STK25: variants seen among roughly 807,000 people sequenced by gnomAD.
STK25 encodes serine/threonine kinase 25.
In STK25, 29 loss-of-function variants were observed where a neutral mutation model predicts 53.8. That is an observed-to-expected ratio of 0.54 (90% CI 0.40 to 0.74). The LOEUF (loss-of-function observed/expected upper bound fraction) is 0.74, where lower values mean the gene tolerates loss of function less well. Ranked by LOEUF, STK25 falls within the 30% of genes least tolerant of loss-of-function variation. STK25 has a pLI of 0.00. For missense variants in STK25, 420 were observed against 568.0 expected, an observed-to-expected ratio of 0.74 and a Z score of 2.65; for synonymous variants, 247 against 238.3, an observed-to-expected ratio of 1.04 and a Z score of -0.33.
chr2:241,506,696 G>A (rs2065852117), intron 2 of STK25, among the ~76,000 whole-genome samples: 2 of 152,324 alleles, frequency 1.3e-5, no homozygotes, highest in South Asian at 4.1e-4. Context: ...GTACTTGGGA[G>A]GCAGAGGGTG....
Position 241,493,749 on chromosome 2 carries a change from A to ACGC in STK25, c.*1910_*1912dup, listed in dbSNP as rs756033633. 13 of 474,216 alleles carry ACGC rather than the reference A, an allele frequency of 2.7e-5. No homozygotes were observed. The East Asian group carries it at 3.9e-4, about 14-fold the overall frequency. 29.4% of individuals were successfully genotyped at this position (474,216 alleles called of 1,614,324 possible). ...AACTGAGATTACAGGCATGCACGCC[A>ACGC]CGCCGCCTGGCTAATTTTTGTATTT... On this transcript the variant is annotated 3_prime_UTR_variant, in exon 12 of 12. Transcript: ENST00000316586.
chr2:241,498,430 A>G, intron 8 of STK25, 81 bp from the exon 9 acceptor site: 1 of 1,378,484 alleles, frequency 7.3e-7, no homozygotes, highest in South Asian at 1.4e-5. Flanking sequence ...CTCACGGCCA[A>G]GGGAAACCCG....
Position 241,493,018 on chromosome 2 carries a change from C to G in STK25, c.*2644G>C, listed in dbSNP as rs749207353. On this transcript the variant is annotated 3_prime_UTR_variant, in exon 12 of 12. Coordinates refer to ENST00000316586, the MANE Select transcript of STK25 (RefSeq NM_001271977.2). ...TCGTCTTTACCAACTTCTGTTTGTT[C>G]TTCTACAAAACTCATCAGGTACTGG... The G allele has an allele frequency of 6.2e-7, 1 of 1,600,862 alleles. No homozygotes were observed. Among genetic ancestry groups the G allele is most frequent in the South Asian group, 1.1e-5 (1 of 90,824 alleles).
chr2:241,505,464 A>G (rs1177990720), intron 2 of STK25, among the ~76,000 whole-genome samples: 2 of 152,230 alleles, frequency 1.3e-5, no homozygotes, highest in Non-Finnish European at 2.9e-5. Context: ...AAGCAGGGCC[A>G]TGACCTGGCA....
chr2:241,500,719 C>T lies in STK25; in HGVS notation c.318+21G>A, dbSNP rs775058247. On this transcript the variant is annotated intron_variant, in intron 4 of 11. Coordinates refer to ENST00000316586, the MANE Select transcript of STK25 (RefSeq NM_001271977.2). ...GACTCGGACACTGCATGACCCCCCA[C>T]TGCCATGGCCTATGCCTCACCAAGT... 7 of 1,613,128 alleles carry T rather than the reference C, an allele frequency of 4.3e-6. No homozygotes were observed. In the South Asian group the frequency reaches 7.7e-5, roughly 18 times the overall value.
At chr2:241,504,815 G>A (rs1279554428) in intron 2 of STK25, among the ~76,000 whole-genome samples, 4 of 152,070 alleles carry the variant, frequency 2.6e-5, no homozygotes, top group Non-Finnish European at 5.9e-5. Flanking sequence ...CATCATCTCC[G>A]TTTCCTCCTC....
At position 241,496,690 on chromosome 2, in the gene STK25, C is replaced by A; in HGVS notation, c.1105-156G>T. Reference sequence around the variant, plus strand: ...CAGCAAGCCGGGAAGTGAGGTGGCCCAAGGAAGCCTCTGCCCCTGCCCTGC... The same window carrying A: ...CAGCAAGCCGGGAAGTGAGGTGGCCAAAGGAAGCCTCTGCCCCTGCCCTGC... On this transcript the variant is annotated intron_variant, in intron 10 of 11. Transcript: ENST00000316586. The surrounding 1 kb of genome is among the most constrained non-coding windows in gnomAD (Gnocchi z 5.8). The A allele has an allele frequency of 2.5e-6, 2 of 784,974 alleles. No individual in the cohort carries two copies. Among genetic ancestry groups the A allele is most frequent in the Non-Finnish European group, 3.9e-6 (2 of 508,308 alleles). The allele number at this position is 784,974 out of a possible 1,614,324, so 48.6% of individuals were successfully genotyped here. A position where few individuals can be genotyped will look rare whatever the true frequency, so the allele number is the denominator to read the frequency against.
chr2:241,508,203 G>C, intron 1 of STK25, 68 bp from the exon 2 acceptor site: 1 of 1,336,370 alleles, frequency 7.5e-7, no homozygotes, highest in Non-Finnish European at 9.5e-7. Flanking sequence ...GGGGCGGCGG[G>C]CTCCATGGGT....
At chr2:241,497,501 G>A in intron 10 of STK25, 115 bp downstream of exon 10, 1 of 1,059,722 alleles carries the variant, frequency 9.4e-7, no homozygotes. Flanking sequence ...ATCAGCTGCA[G>A]GAAAGCTAGA....
Position 241,501,133 on chromosome 2 carries a change from G to T in STK25, c.262-337C>A, listed in dbSNP as rs1025560486. 3.1e-5 allele frequency: 17 copies of T among 546,708 alleles called. No individual in the cohort carries two copies. Among genetic ancestry groups the T allele is most frequent in the Middle Eastern group, 4.9e-4 (1 of 2,044 alleles). The allele number at this position is 546,708 out of a possible 1,614,324, so 33.9% of individuals were successfully genotyped here. A position where few individuals can be genotyped will look rare whatever the true frequency, so the allele number is the denominator to read the frequency against. ...GACCCGACACACCCATCACCCTCCT[G>T]GGCAGGATGGCCACAGCGTTCCCTA... On this transcript the variant is annotated intron_variant, in intron 3 of 11. Transcript: ENST00000316586. This position sits in a 1 kb window ranked among gnomAD's most constrained non-coding sequence, Gnocchi z 5.3.
rs1026850959 is a variant in STK25, at chr2:241,494,814, T to A, written c.*848A>T. On this transcript the variant is annotated 3_prime_UTR_variant, in exon 12 of 12. Coordinates refer to ENST00000316586, the MANE Select transcript of STK25 (RefSeq NM_001271977.2). This position sits in a 1 kb window ranked among gnomAD's most constrained non-coding sequence, Gnocchi z 4.9. ...GACTGCTTTGTTCACACACATTTGA[T>A]TAAAAATAAACAAACAGCATCTCCC... 2 of 152,154 alleles carry A rather than the reference T, an allele frequency of 1.3e-5. No individual in the cohort carries two copies. Among genetic ancestry groups the A allele is most frequent in the African/African-American group, 4.8e-5 (2 of 41,400 alleles). The allele number at this position is 152,154 out of a possible 1,614,324, so 9.4% of individuals were successfully genotyped here.
chr2:241,503,446 T>C (rs1003594038), intron 2 of STK25, among the ~76,000 whole-genome samples: 6 of 148,320 alleles, frequency 4.0e-5, no homozygotes, highest in East Asian at 2.1e-4. Context: ...GGCGCGGTGG[T>C]TCACGCCTGT....
At chr2:241,506,782 A>G (rs577143485) in intron 2 of STK25, among the ~76,000 whole-genome samples, 1 of 152,350 alleles carries the variant, frequency 6.6e-6, no homozygotes, top group South Asian at 2.1e-4. Context: ...AAATAAAAAT[A>G]AAGTAAAATA....
At chr2:241,500,028 G>T in intron 5 of STK25, 145 bp downstream of exon 5, 2 of 723,846 alleles carry the variant, frequency 2.8e-6, no homozygotes, top group Non-Finnish European at 2.5e-6. Context: ...AGCGAGACAG[G>T]ACTGCTCAGT....
At chr2:241,497,225 G>T in intron 10 of STK25, 1 of 186,732 alleles carries the variant, frequency 5.4e-6, no homozygotes, top group Non-Finnish European at 1.1e-5. Flanking sequence ...CACAGATCCT[G>T]GCTGTATCAC....
At chr2:241,507,069 C>T (rs1203355536) in intron 2 of STK25, among the ~76,000 whole-genome samples, 1 of 152,234 alleles carries the variant, frequency 6.6e-6, no homozygotes, top group African/African-American at 2.4e-5. Context: ...CCCAACTCTC[C>T]ATTCAGCACA....
At chr2:241,507,941 C>T (rs1207122725) in intron 2 of STK25, 65 bp downstream of exon 2, 4 of 1,481,748 alleles carry the variant, frequency 2.7e-6, no homozygotes, top group East Asian at 5.0e-5. Context: ...CCCTCTGAAC[C>T]CCCAGGAGAC....
rs1277710332 is a variant in STK25 at position 241,503,740 on chromosome 2, C to CA, written c.31-2033dup. Reference sequence around the variant, plus strand: ...AAAGGCAAAACGACTAATTATGCCACAAAAAAAAACACTGAAGACAGGACA... The same window carrying CA: ...AAAGGCAAAACGACTAATTATGCCACAAAAAAAAAACACTGAAGACAGGACA... On this transcript the variant is annotated intron_variant, in intron 2 of 11. Transcript: ENST00000316586. 3.9e-3 allele frequency among the ~76,000 whole-genome samples: 575 copies of CA among 147,652 alleles called. 1 individual carries two copies. The highest frequency in any genetic ancestry group is 0.013 in the South Asian group (58 of 4,550).
chr2:241,501,740 C>G lies in STK25; in HGVS notation c.31-32G>C, dbSNP rs1307976600. 2 of 1,565,740 alleles carry G rather than the reference C, an allele frequency of 1.3e-6. No individual in the cohort carries two copies. The highest frequency in any genetic ancestry group is 2.7e-5 in the African/African-American group (2 of 74,048). ...GGCCAGGGCGGGGACAGAGGGCAGA[C>G]AGCGCCGGTCACAAGAGGCGGGGGA... is the stretch of plus-strand genomic sequence containing the variant. On this transcript the variant is annotated intron_variant, in intron 2 of 11. Transcript: ENST00000316586. The surrounding 1 kb of genome is among the most constrained non-coding windows in gnomAD (Gnocchi z 5.3).
Sources: allele counts gnomAD v4.1 joint callset (sites outside exome capture counted in the v4.1 genomes callset), GRCh38; gene constraint gnomAD v4.1.1; non-coding constraint Gnocchi (gnomAD v3.1); transcripts MANE v1.5; gene names NCBI Gene and HGNC (gene_info 2026-07-23, HGNC 2026-07-21).